The following PRKAR1B variants were observed in gnomAD, a reference collection of about 807,000 sequenced individuals.
PRKAR1B encodes protein kinase cAMP-dependent type I regulatory subunit beta, also known as cAMP-dependent protein kinase type I-beta regulatory subunit.
In PRKAR1B, 22 loss-of-function variants were observed where a neutral mutation model predicts 46.5. That is an observed-to-expected ratio of 0.47 (90% confidence interval 0.34 to 0.68). The LOEUF (loss-of-function observed/expected upper bound fraction) is 0.68. PRKAR1B is among the 30% of genes least tolerant of loss of function. PRKAR1B has a pLI of 0.01. For missense variants in PRKAR1B, 445 were observed against 535.6 expected (o/e 0.83, Z 1.67); for synonymous variants, 259 against 217.7 (o/e 1.19, Z -1.67).
intron 9 of PRKAR1B, among the ~76,000 whole-genome samples, chr7:572,616 G>C (rs2128437577): frequency 6.6e-6 from 1 of 152,320 alleles, no homozygotes; most frequent in East Asian, 1.9e-4. Context: ...AGGGAAATCA[G>C]CTCCCAAAAC....
chr7:606,341 C>A (rs905595199), intron 5 of PRKAR1B, 102 bp from the exon 6 acceptor site: 2 of 963,254 alleles, frequency 2.1e-6, no homozygotes, highest in Admixed American at 2.0e-5. Context: ...CAGAGACCCT[C>A]GAAGCAACAT....
At chr7:688,419 A>G (rs1317889184) in intron 2 of PRKAR1B, among the ~76,000 whole-genome samples, 1 of 150,218 alleles carries the variant, frequency 6.7e-6, no homozygotes, top group Non-Finnish European at 1.5e-5. Flanking sequence ...AAAAAAAAAT[A>G]CAAGACAGAT....
intron 7 of PRKAR1B, among the ~76,000 whole-genome samples, chr7:591,484 G>T (rs1293675807): frequency 2.0e-5 from 3 of 152,214 alleles, no homozygotes; most frequent in African/African-American, 4.8e-5. Context: ...GGGGGCACGG[G>T]GCCTGGGTCC....
intron 2 of PRKAR1B, among the ~76,000 whole-genome samples, chr7:686,197 A>G (rs752657634): frequency 2.0e-5 from 3 of 152,070 alleles, no homozygotes. Context: ...GCTACTCGGG[A>G]GGCTGAGGCA....
At chr7:640,528 C>T (rs369379494) in intron 4 of PRKAR1B, among the ~76,000 whole-genome samples, 18 of 152,162 alleles carry the variant, frequency 1.2e-4, no homozygotes, top group Admixed American at 2.6e-4. Context: ...TTCGGGAGGC[C>T]GAGGCGGGTG....
At chr7:711,790 A>C (rs1393361376) in intron 1 of PRKAR1B, among the ~76,000 whole-genome samples, 1 of 151,764 alleles carries the variant, frequency 6.6e-6, no homozygotes. Flanking sequence ...ACAGGGGTGC[A>C]CGCGGCTGAG....
At chr7:702,340 T>G (rs1226340232) in intron 2 of PRKAR1B, among the ~76,000 whole-genome samples, 1 of 151,746 alleles carries the variant, frequency 6.6e-6, no homozygotes, top group African/African-American at 2.4e-5. Flanking sequence ...GAAAAATAAT[T>G]AAATGGTAGA....
rs190245792 is a variant in PRKAR1B at position 551,712 on chromosome 7, T to C, written c.892-242A>G. Among the ~76,000 whole-genome samples the C allele has an allele frequency of 6.2e-3, 752 of 120,484 alleles. 14 individuals are homozygous for C. The highest frequency in any genetic ancestry group is 0.023 in the African/African-American group (698 of 29,898). The allele number at this position is 120,484 out of a possible 152,430, so 79.0% of individuals were successfully genotyped here. Reference sequence around the variant, plus strand: ...AACCCCCATGTCCTGCCCAGGTCCTTCTCCAGAGCCACTGCCACCACCATG... The same window carrying C: ...AACCCCCATGTCCTGCCCAGGTCCTCCTCCAGAGCCACTGCCACCACCATG... On this transcript the variant is annotated intron_variant, in intron 9 of 10. Transcript: ENST00000537384.
At chr7:726,634 C>A (rs1011017587) in intron 1 of PRKAR1B, 2 of 1,066,422 alleles carry the variant, frequency 1.9e-6, no homozygotes, top group African/African-American at 1.6e-5. Context: ...GGCGCCCCGC[C>A]CGCAGCGCGG....
intron 4 of PRKAR1B, among the ~76,000 whole-genome samples, chr7:627,191 C>T (rs1783452534): frequency 6.6e-6 from 1 of 152,104 alleles, no homozygotes; most frequent in East Asian, 1.9e-4. Flanking sequence ...GGTCTCGTCG[C>T]ATTGCCCAGG....
At chr7:656,992 A>AATGG (rs1370542070) in intron 4 of PRKAR1B, among the ~76,000 whole-genome samples, 8 of 144,672 alleles carry the variant, frequency 5.5e-5, no homozygotes, top group African/African-American at 1.5e-4. Context: ...CGGATGGATG[A>AATGG]ATGGATGGAT....
At chr7:679,404 A>C (rs1778530070) in intron 3 of PRKAR1B, among the ~76,000 whole-genome samples, 1 of 152,198 alleles carries the variant, frequency 6.6e-6, no homozygotes, top group Non-Finnish European at 1.5e-5. Flanking sequence ...CATTCTGCGG[A>C]GCATCCCGCA....
chr7:555,012 G>C (rs972378489), intron 9 of PRKAR1B, among the ~76,000 whole-genome samples: 1 of 152,166 alleles, frequency 6.6e-6, no homozygotes. Flanking sequence ...GTGGCTCCGG[G>C]AGTCACCACA....
At chr7:562,155 A>G (rs909017355) in intron 9 of PRKAR1B, 1 of 151,698 alleles carries the variant, frequency 6.6e-6, no homozygotes, top group Non-Finnish European at 1.5e-5. Context: ...TGGCCCAGTT[A>G]CTCCCGGCCA....
intron 1 of PRKAR1B, 78 bp from the exon 2 acceptor site, chr7:711,605 C>T (rs1451425212): frequency 7.7e-7 from 1 of 1,294,990 alleles, no homozygotes; most frequent in Non-Finnish European, 1.1e-6. Context: ...GCGGCGTGAA[C>T]CAGGCTTCTC....
At chr7:660,667 C>T (rs1234117318) in intron 4 of PRKAR1B, among the ~76,000 whole-genome samples, 1 of 136,594 alleles carries the variant, frequency 7.3e-6, no homozygotes, top group Non-Finnish European at 1.6e-5. Context: ...CCTACTCTCC[C>T]CCCCATGCCA....
In PRKAR1B at chr7:726,731, T is replaced by C. The variant is rs1314198845; in HGVS notation, c.-23+479A>G. On this transcript the variant is annotated intron_variant, in intron 1 of 10. Coordinates refer to ENST00000537384, the MANE Select transcript of PRKAR1B (RefSeq NM_001164760.2). The stretch of plus-strand genomic sequence containing the variant: ...GGCGACGCGGGCAAGATGGCGGCGC[T>C]GGGGGTGGCGGAGGCCGTGGCGGCC... The C allele has an allele frequency of 6.5e-6, 8 of 1,239,902 alleles. No homozygotes were observed. In the East Asian group the frequency reaches 1.6e-4, roughly 24 times the overall value. 76.8% of individuals were successfully genotyped at this position (1,239,902 alleles called of 1,614,324 possible).
intron 9 of PRKAR1B, among the ~76,000 whole-genome samples, chr7:571,859 T>A (rs1419551660): frequency 6.6e-6 from 1 of 152,216 alleles, no homozygotes; most frequent in Non-Finnish European, 1.5e-5. Flanking sequence ...ACGGAACAGC[T>A]GGACCGTCCC....
chr7:619,005 G>C (rs1284944169), intron 4 of PRKAR1B, among the ~76,000 whole-genome samples: 2 of 152,130 alleles, frequency 1.3e-5, no homozygotes, highest in African/African-American at 4.8e-5. Context: ...CGACATGTCT[G>C]CCTGGGCTGC....
Sources: gnomAD v4.1 joint callset for allele counts (sites outside exome capture counted in the v4.1 genomes callset) on GRCh38, gnomAD v4.1.1 for gene constraint, MANE v1.5 for transcripts, NCBI Gene and HGNC (gene_info 2026-07-23, HGNC 2026-07-21) for gene names.